Variants in FPR1 observed in about 807,000 individuals in gnomAD.
FPR1 encodes the protein N-formyl peptide receptor 1.
For synonymous variants in FPR1, 193 were observed against 176.7 expected (o/e 1.09, Z -0.73); for missense variants, 407 against 453.0 (o/e 0.90, Z 0.92).
rs186613919 is a variant in FPR1 at position 51,746,616 on chromosome 19, C to T, written c.379G>A (p.Val127Ile). The change falls in exon 2 of 2, where the codon GTC becomes ATC. Residue 127 changes from valine (V) to isoleucine (I), a missense_variant. Transcript: ENST00000304748. This position sits in a 1 kb window ranked among gnomAD's most constrained non-coding sequence, Gnocchi z 4.3. Reference protein sequence around the residue: ...ALIALDRCVCVLHPVWTQNHR... With the variant: ...ALIALDRCVCILHPVWTQNHR... ...TTCTGGGTCCAGACTGGATGCAGGA[C>T]GCAAACACAGCGGTCCAGAGCAATG... The T allele has an allele frequency of 3.8e-5, 61 of 1,614,090 alleles. No individual in the cohort carries two copies. In the African/African-American group the frequency reaches 5.3e-4, roughly 14 times the overall value.
chr19:51,749,409 C>A (rs974293028), intron 1 of FPR1, among the ~76,000 whole-genome samples: 6 of 152,208 alleles, frequency 3.9e-5, no homozygotes, highest in Admixed American at 2.6e-4. Context: ...CCAATGGATT[C>A]TGTGCTAGAA....
At chr19:51,748,332 G>C (rs1036442030) in intron 1 of FPR1, among the ~76,000 whole-genome samples, 2 of 152,210 alleles carry the variant, frequency 1.3e-5, no homozygotes, top group Non-Finnish European at 2.9e-5. Flanking sequence ...AGGAAGTGGG[G>C]AATTGTTGCT....
rs1223363377 is a variant in FPR1 at position 51,745,868 on chromosome 19, G to T, written c.*74C>A. On this transcript the variant is annotated 3_prime_UTR_variant, in exon 2 of 2. Transcript: ENST00000304748. ...GGTAATCCTAAAATAAGCAGGAAAT[G>T]CCTGTGGCTCAGCCTAACTCAAGGT... 3 of 1,198,818 alleles carry T rather than the reference G, an allele frequency of 2.5e-6. No individual in the cohort carries two copies. The highest frequency in any genetic ancestry group is 3.6e-6 in the Non-Finnish European group (3 of 837,802). 74.3% of individuals were successfully genotyped at this position (1,198,818 alleles called of 1,614,324 possible). A position where few individuals can be genotyped will look rare whatever the true frequency, so the allele number is the denominator to read the frequency against.
At position 51,746,643 on chromosome 19, in the gene FPR1, G is replaced by C. The variant is rs190373580; in HGVS notation, c.352C>G (p.Leu118Val). Residue 118 changes from leucine (L) to valine (V), a missense_variant, in exon 2 of 2, where the codon CTC (leucine) becomes GTC (valine). Coordinates refer to ENST00000304748, the MANE Select transcript of FPR1 (RefSeq NM_002029.4). The surrounding 1 kb of genome is among the most constrained non-coding windows in gnomAD (Gnocchi z 4.3). ...NLFGSVFLIA[L>V]IALDRCVCVL... Reference sequence around the variant, plus strand: ...CAAACACAGCGGTCCAGAGCAATGAGGGCGATCAGGAAGACACTTCCGAAC... The same window carrying C: ...CAAACACAGCGGTCCAGAGCAATGACGGCGATCAGGAAGACACTTCCGAAC... 1.2e-5 allele frequency: 20 copies of C among 1,614,172 alleles called. No homozygotes were observed. The Admixed American group carries it at 2.8e-4, about 23-fold the overall frequency.
At chr19:51,748,524 G>A (rs1307408059) in intron 1 of FPR1, among the ~76,000 whole-genome samples, 3 of 152,176 alleles carry the variant, frequency 2.0e-5, no homozygotes, top group Non-Finnish European at 2.9e-5. Flanking sequence ...GCAGTGGTGC[G>A]ATCTTGGCTC....
chr19:51,746,817 T>C lies in FPR1; in HGVS notation c.178A>G (p.Thr60Ala). The change falls in exon 2 of 2, where the codon ACC (threonine) becomes GCC (alanine). Residue 60 changes from threonine (T) to alanine (A), a missense_variant. Transcript: ENST00000304748. This position sits in a 1 kb window ranked among gnomAD's most constrained non-coding sequence, Gnocchi z 4.3. ...GCCAGGTTCAGGTAACTGATGGTGG[T>C]GACTGTGTGTGTCATCCGGAATCCA... is the stretch of plus-strand genomic sequence containing the variant. ...VAGFRMTHTV[T>A]TISYLNLAVA... is the part of the protein sequence containing the mutation. 1 of 1,614,084 alleles carries C rather than the reference T, an allele frequency of 6.2e-7. No individual in the cohort carries two copies. The highest frequency in any genetic ancestry group is 8.5e-7 in the Non-Finnish European group (1 of 1,180,020).
intron 1 of FPR1, among the ~76,000 whole-genome samples, chr19:51,748,513 T>G (rs2083761716): frequency 6.6e-6 from 1 of 152,252 alleles, no homozygotes; most frequent in Non-Finnish European, 1.5e-5. Flanking sequence ...CAGGCTGGAG[T>G]GCAGTGGTGC....
Position 51,745,860 on chromosome 19 carries a change from C to A in FPR1, c.*82G>T. ...GATGAGTGGGTAATCCTAAAATAAG[C>A]AGGAAATGCCTGTGGCTCAGCCTAA... On this transcript the variant is annotated 3_prime_UTR_variant, in exon 2 of 2. Transcript: ENST00000304748. 8.8e-7 allele frequency: 1 copy of A among 1,134,314 alleles called. No homozygotes were observed. The highest frequency in any genetic ancestry group is 1.3e-6 in the Non-Finnish European group (1 of 788,444). 70.3% of individuals were successfully genotyped at this position (1,134,314 alleles called of 1,614,324 possible). A position where few individuals can be genotyped will look rare whatever the true frequency, so the allele number is the denominator to read the frequency against.
rs778425990 is a variant in FPR1, at chr19:51,746,456, A to T, written c.539T>A (p.Phe180Tyr). Residue 180 changes from phenylalanine (F) to tyrosine (Y), a missense_variant, in exon 2 of 2, where the codon TTT becomes TAT. Transcript: ENST00000304748. This position sits in a 1 kb window ranked among gnomAD's most constrained non-coding sequence, Gnocchi z 4.3. ...TTTAGGGTCGTTGGTCCAGGGCGAAAAGTTAAAAGTGCAGGCTACTGTCCC... is the reference window on the plus strand; with the variant it reads ...TTTAGGGTCGTTGGTCCAGGGCGAATAGTTAAAAGTGCAGGCTACTGTCCC... ...KTGTVACTFN[F>Y]SPWTNDPKER... The T allele has an allele frequency of 1.2e-6, 2 of 1,614,036 alleles. No individual in the cohort carries two copies. The highest frequency in any genetic ancestry group is 8.5e-7 in the Non-Finnish European group (1 of 1,179,998).
At chr19:51,747,166 T>A (rs528602807) in intron 1 of FPR1, among the ~76,000 whole-genome samples, 161 bp from the exon 2 acceptor site, 1 of 151,444 alleles carries the variant, frequency 6.6e-6, no homozygotes, top group African/African-American at 2.4e-5. Context: ...CCCTTACACA[T>A]GCCCACATCT....
At chr19:51,748,223 A>G (rs1325166589) in intron 1 of FPR1, among the ~76,000 whole-genome samples, 3 of 152,212 alleles carry the variant, frequency 2.0e-5, no homozygotes, top group Non-Finnish European at 4.4e-5. Flanking sequence ...AGACACCACA[A>G]GTCACATTTT....
downstream of FPR1, chr19:51,745,755 CA>C: frequency 1.8e-6 from 1 of 553,224 alleles, no homozygotes; most frequent in Non-Finnish European, 3.2e-6. Context: ...GGTCCAAAAT[CA>C]AAAAAGAAGT....
intron 1 of FPR1, among the ~76,000 whole-genome samples, chr19:51,751,368 T>C (rs2122333725): frequency 6.6e-6 from 1 of 152,216 alleles, no homozygotes; most frequent in Non-Finnish European, 1.5e-5. Context: ...GTCTAGAGCC[T>C]ATTTGTTTAT....
Position 51,746,052 on chromosome 19 carries a change from C to T in FPR1, c.943G>A (p.Ala315Thr), listed in dbSNP as rs140083445. 36 of 1,614,080 alleles carry T rather than the reference C, an allele frequency of 2.2e-5. No homozygotes were observed. The African/African-American group carries it at 3.3e-4, about 15-fold the overall frequency. The part of the protein sequence containing the change: ...GQDFRERLIH[A>T]LPASLERALT... The stretch of plus-strand genomic sequence containing the variant: ...GCCCTCTCCAGACTGGCGGGAAGGG[C>T]GTGGATCAGCCTCTCCCGGAAGTCC... Residue 315 changes from alanine (A) to threonine (T), a missense_variant, in exon 2 of 2, where the codon GCC becomes ACC. By Grantham distance (58) the Ala-to-Thr change is moderately conservative. Coordinates refer to ENST00000304748, the MANE Select transcript of FPR1 (RefSeq NM_002029.4). The surrounding 1 kb of genome is among the most constrained non-coding windows in gnomAD (Gnocchi z 4.3).
At chr19:51,749,575 G>T (rs2083768709) in intron 1 of FPR1, among the ~76,000 whole-genome samples, 1 of 152,206 alleles carries the variant, frequency 6.6e-6, no homozygotes, top group Non-Finnish European at 1.5e-5. Flanking sequence ...TATTGGATAT[G>T]ACATTTCATT....
At chr19:51,750,025 G>A (rs995332672) in intron 1 of FPR1, among the ~76,000 whole-genome samples, 1 of 152,154 alleles carries the variant, frequency 6.6e-6, no homozygotes, top group Non-Finnish European at 1.5e-5. Flanking sequence ...TACTATGAGG[G>A]TCACTGTCTT....
Position 51,746,336 on chromosome 19 carries a change from C to G in FPR1, c.659G>C (p.Ser220Thr). 6.2e-7 allele frequency: 1 copy of G among 1,612,092 alleles called. No homozygotes were observed. Among genetic ancestry groups the G allele is most frequent in the Non-Finnish European group, 8.5e-7 (1 of 1,179,300 alleles). Residue 220 changes from serine (S) to threonine (T), a missense_variant, in exon 2 of 2, where the codon AGT (serine) becomes ACT (threonine). Transcript: ENST00000304748. This position sits in a 1 kb window ranked among gnomAD's most constrained non-coding sequence, Gnocchi z 4.3. ...GATCTTGGTGGCAATAAGCCCATAA[C>G]TGACAGCAACGATGGACATGGGTGC... Reference protein sequence around the residue: ...FSAPMSIVAVSYGLIATKIHK... With the variant: ...FSAPMSIVAVTYGLIATKIHK...
At chr19:51,748,448 A>C (rs1292656490) in intron 1 of FPR1, among the ~76,000 whole-genome samples, 1 of 152,206 alleles carries the variant, frequency 6.6e-6, no homozygotes, top group African/African-American at 2.4e-5. Flanking sequence ...TGAATTGTAC[A>C]TTTAAATGGG....
chr19:51,746,838 A>G lies in FPR1; in HGVS notation c.157T>C (p.Phe53Leu). 1 of 1,614,156 alleles carries G rather than the reference A, an allele frequency of 6.2e-7. No individual in the cohort carries two copies. The highest frequency in any genetic ancestry group is 8.5e-7 in the Non-Finnish European group (1 of 1,180,026). ...GTGGTGACTGTGTGTGTCATCCGGA[A>G]TCCAGCCACCCAGATCACAAGCCCG... The part of the protein sequence containing the change: ...GNGLVIWVAG[F>L]RMTHTVTTIS... The change falls in exon 2 of 2, where the codon TTC (phenylalanine) becomes CTC (leucine). Residue 53 changes from phenylalanine (F) to leucine (L), a missense_variant. Physicochemically the swap from Phe to Leu is conservative, Grantham distance 22 (BLOSUM62 0). Coordinates refer to ENST00000304748, the MANE Select transcript of FPR1 (RefSeq NM_002029.4). This position sits in a 1 kb window ranked among gnomAD's most constrained non-coding sequence, Gnocchi z 4.3.
Sources: gnomAD v4.1 joint callset for allele counts (sites outside exome capture counted in the v4.1 genomes callset) on GRCh38, gnomAD v4.1.1 for gene constraint, Gnocchi (gnomAD v3.1) non-coding constraint, MANE v1.5 for transcripts, NCBI Gene and HGNC (gene_info 2026-07-23, HGNC 2026-07-21) for gene names.